Variants in KIRREL3 observed in about 807,000 individuals in gnomAD.
KIRREL3 encodes the protein kirre like nephrin family adhesion molecule 3.
Under a neutral mutation model 89.7 loss-of-function variants are expected in KIRREL3, and 36 were observed. That is an observed-to-expected ratio of 0.40 (90% CI 0.31 to 0.53). KIRREL3 has a LOEUF of 0.53. KIRREL3 is among the 20% of genes least tolerant of loss of function. KIRREL3 has a pLI of 0.49. For synonymous variants in KIRREL3, 445 were observed against 441.4 expected (o/e 1.01, Z -0.10); for missense variants, 864 against 1,056.6 (o/e 0.82, Z 2.53).
chr11:126,613,785 T>C (rs1943226121), intron 1 of KIRREL3, among the ~76,000 whole-genome samples: 1 of 151,928 alleles, frequency 6.6e-6, no homozygotes, highest in Admixed American at 6.6e-5. Flanking sequence ...CTCCATCACA[T>C]TGGGAACGAA....
At chr11:126,886,704 G>T (rs948661557) in intron 1 of KIRREL3, among the ~76,000 whole-genome samples, 12 of 152,200 alleles carry the variant, frequency 7.9e-5, no homozygotes, top group Non-Finnish European at 5.9e-5. Context: ...TCTGCAATCA[G>T]TTGACAGCTT....
chr11:126,875,815 T>C (rs796719187), intron 1 of KIRREL3, among the ~76,000 whole-genome samples: 5 of 152,350 alleles, frequency 3.3e-5, no homozygotes, highest in East Asian at 1.9e-4. Flanking sequence ...AAAGAGTTTG[T>C]ATCTACATAA....
At position 126,677,717 on chromosome 11, in the gene KIRREL3, A is replaced by G. The variant is rs1427797708; in HGVS notation, c.56-114805T>C. Among the ~76,000 whole-genome samples, 1 of 152,128 alleles carries G rather than the reference A, an allele frequency of 6.6e-6. No homozygotes were observed. Among genetic ancestry groups the G allele is most frequent in the Non-Finnish European group, 1.5e-5 (1 of 68,004 alleles). ...GAGTGGGTCCTCCCAGAATGAGTCC[A>G]GGGGAGCCCCCTGGACCAAAGCAGG... On this transcript the variant is annotated intron_variant, in intron 1 of 16. Transcript: ENST00000525144. The surrounding 1 kb of genome is among the most constrained non-coding windows in gnomAD (Gnocchi z 5.1).
At chr11:126,767,368 C>T (rs1949857243) in intron 1 of KIRREL3, among the ~76,000 whole-genome samples, 1 of 152,186 alleles carries the variant, frequency 6.6e-6, no homozygotes, top group Non-Finnish European at 1.5e-5. Context: ...GGGAGACCCC[C>T]ACCCTGAGCT....
At chr11:126,511,352 G>A (rs6590214) in intron 4 of KIRREL3, among the ~76,000 whole-genome samples, 49,027 of 151,172 alleles carry the variant, frequency 0.32, 8,296 homozygotes, top group Admixed American at 0.39. Context: ...GCTATACAAA[G>A]AGTGGACCCC....
Position 126,715,610 on chromosome 11 carries a change from T to C in KIRREL3, c.56-152698A>G, listed in dbSNP as rs1054227937. Among the ~76,000 whole-genome samples the C allele has an allele frequency of 6.6e-6, 1 of 152,008 alleles. No homozygotes were observed. The highest frequency in any genetic ancestry group is 1.5e-5 in the Non-Finnish European group (1 of 68,008). ...GGGAATATAGGAGAACGTGGACCAT[T>C]TTGCAAATCAAAAACAAGAGGAAAA... On this transcript the variant is annotated intron_variant, in intron 1 of 16. Coordinates refer to ENST00000525144, the MANE Select transcript of KIRREL3 (RefSeq NM_032531.4). The surrounding 1 kb of genome is among the most constrained non-coding windows in gnomAD (Gnocchi z 4.4).
rs199669188 is a variant in KIRREL3, at chr11:126,865,069, GC to G, written c.55+135385del. Among the ~76,000 whole-genome samples, 329 of 152,294 alleles carry G rather than the reference GC, an allele frequency of 2.2e-3. 11 individuals are homozygous for G. The East Asian group carries it at 0.055, about 26-fold the overall frequency. ...TAAGGCTCAGGGAATTATGTGACTTGCCTCCAGGAATCAAGGCGCCTCCAGC... is the reference window on the plus strand; with the variant it reads ...TAAGGCTCAGGGAATTATGTGACTTGCTCCAGGAATCAAGGCGCCTCCAGC... On this transcript the variant is annotated intron_variant, in intron 1 of 16. Transcript: ENST00000525144.
rs1167736036 is a variant in KIRREL3 at position 126,577,775 on chromosome 11, A to G, written c.56-14863T>C. Among the ~76,000 whole-genome samples, 17 of 151,926 alleles carry G rather than the reference A, an allele frequency of 1.1e-4. 1 individual carries two copies. Among genetic ancestry groups the G allele is most frequent in the Admixed American group, 1.1e-3 (17 of 15,248 alleles). ...AGACTCTGTCTCAATTAAAAAAAAA[A>G]AAGACACTAACCGTCCTTTCTCTGG... On this transcript the variant is annotated intron_variant, in intron 1 of 16. Coordinates refer to ENST00000525144, the MANE Select transcript of KIRREL3 (RefSeq NM_032531.4).
chr11:126,614,491 G>A lies in KIRREL3; in HGVS notation c.56-51579C>T, dbSNP rs1467427137. Among the ~76,000 whole-genome samples the A allele has an allele frequency of 6.6e-6, 1 of 152,126 alleles. No homozygotes were observed. The highest frequency in any genetic ancestry group is 1.5e-5 in the Non-Finnish European group (1 of 68,024). On this transcript the variant is annotated intron_variant, in intron 1 of 16. Transcript: ENST00000525144. This position sits in a 1 kb window ranked among gnomAD's most constrained non-coding sequence, Gnocchi z 4.6. ...GCTTTGAAAACTACAGTGATACTCA[G>A]GCCCTTAGATCAATTAAATCAGACT...
In KIRREL3 at chr11:126,498,675, A is replaced by G. The variant is rs1286961869; in HGVS notation, c.433+22640T>C. ...CTGTGACGACAAGCAGAGGAGACTC[A>G]GTGATGAGAGGAATGGTGTGTCCAT... On this transcript the variant is annotated intron_variant, in intron 4 of 16. Transcript: ENST00000525144. This position sits in a 1 kb window ranked among gnomAD's most constrained non-coding sequence, Gnocchi z 4.3. 6.6e-6 allele frequency among the ~76,000 whole-genome samples: 1 copy of G among 152,182 alleles called. No individual in the cohort carries two copies. Among genetic ancestry groups the G allele is most frequent in the African/African-American group, 2.4e-5 (1 of 41,452 alleles).
Position 126,954,085 on chromosome 11 carries a change from G to A in KIRREL3, c.55+46370C>T, listed in dbSNP as rs1395004161. On this transcript the variant is annotated intron_variant, in intron 1 of 16. Transcript: ENST00000525144. The surrounding 1 kb of genome is among the most constrained non-coding windows in gnomAD (Gnocchi z 4.1). ...GCGGGGTCTAATTCTCCCCAGGGTCGGTCTGTGAGCGCCTCTAATACCCTA... is the reference window on the plus strand; with the variant it reads ...GCGGGGTCTAATTCTCCCCAGGGTCAGTCTGTGAGCGCCTCTAATACCCTA... Among the ~76,000 whole-genome samples the A allele has an allele frequency of 1.3e-5, 2 of 151,834 alleles. No individual in the cohort carries two copies. Among genetic ancestry groups the A allele is most frequent in the East Asian group, 1.9e-4 (1 of 5,174 alleles).
rs68042539 is a variant in KIRREL3, at chr11:126,978,007, G to A, written c.55+22448C>T. On this transcript the variant is annotated intron_variant, in intron 1 of 16. Coordinates refer to ENST00000525144, the MANE Select transcript of KIRREL3 (RefSeq NM_032531.4). The surrounding 1 kb of genome is among the most constrained non-coding windows in gnomAD (Gnocchi z 4.2). ...CCCACTCTCCATTGAGTGGATTTCT[G>A]TAGTACGACTCTGCTGCCAGTCTAC... 0.2 allele frequency among the ~76,000 whole-genome samples: 30,014 copies of A among 152,060 alleles called. 3,434 individuals are homozygous for A. Among genetic ancestry groups the A allele is most frequent in the East Asian group, 0.54 (2,782 of 5,142 alleles).
chr11:126,592,845 C>G (rs1942208732), intron 1 of KIRREL3, among the ~76,000 whole-genome samples: 1 of 152,196 alleles, frequency 6.6e-6, no homozygotes. Flanking sequence ...GAGCAAGACA[C>G]TCTCAGCTCA....
intron 2 of KIRREL3, among the ~76,000 whole-genome samples, chr11:126,560,469 A>G (rs529896820): frequency 7.9e-5 from 12 of 152,296 alleles, no homozygotes; most frequent in Admixed American, 4.6e-4. Flanking sequence ...AACGGCACCA[A>G]TTGCAATTAC....
At position 126,574,080 on chromosome 11, in the gene KIRREL3, G is replaced by T. The variant is rs764882210; in HGVS notation, c.56-11168C>A. Among the ~76,000 whole-genome samples, 1 of 152,210 alleles carries T rather than the reference G, an allele frequency of 6.6e-6. No individual in the cohort carries two copies. Among genetic ancestry groups the T allele is most frequent in the East Asian group, 1.9e-4 (1 of 5,194 alleles). ...CTTCATTCTGAGGGACTAGAACATCGGTTGCGGAATGTGGAAACCAGGTTA... is the reference window on the plus strand; with the variant it reads ...CTTCATTCTGAGGGACTAGAACATCTGTTGCGGAATGTGGAAACCAGGTTA... On this transcript the variant is annotated intron_variant, in intron 1 of 16. Transcript: ENST00000525144. The surrounding 1 kb of genome is among the most constrained non-coding windows in gnomAD (Gnocchi z 5.3).
chr11:126,627,980 G>C lies in KIRREL3; in HGVS notation c.56-65068C>G, dbSNP rs1943864787. 6.6e-6 allele frequency among the ~76,000 whole-genome samples: 1 copy of C among 152,228 alleles called. No individual in the cohort carries two copies. Among genetic ancestry groups the C allele is most frequent in the Admixed American group, 6.5e-5 (1 of 15,290 alleles). ...GCTCGGTCTCCTGGTTTGAGAAACA[G>C]GAATGATCCCAGCTCTACCTATCCT... On this transcript the variant is annotated intron_variant, in intron 1 of 16. Transcript: ENST00000525144. This position sits in a 1 kb window ranked among gnomAD's most constrained non-coding sequence, Gnocchi z 5.0.
At chr11:126,439,261 G>C (rs1018361294) in intron 11 of KIRREL3, among the ~76,000 whole-genome samples, 2 of 151,960 alleles carry the variant, frequency 1.3e-5, no homozygotes, top group African/African-American at 4.8e-5. Flanking sequence ...AACCCAGGAA[G>C]TGGAGGTTGC....
At chr11:126,901,054 A>G (rs1946349459) in intron 1 of KIRREL3, among the ~76,000 whole-genome samples, 1 of 152,068 alleles carries the variant, frequency 6.6e-6, no homozygotes, top group African/African-American at 2.4e-5. Flanking sequence ...CCTCTACTAA[A>G]AATACAAAAA....
chr11:126,875,446 T>C (rs1444576349), intron 1 of KIRREL3, among the ~76,000 whole-genome samples: 1 of 152,244 alleles, frequency 6.6e-6, no homozygotes. Context: ...AGTGACTCTT[T>C]AAACTCTAAT....
Sources: gnomAD v4.1 joint callset for allele counts (sites outside exome capture counted in the v4.1 genomes callset) on GRCh38, gnomAD v4.1.1 for gene constraint, Gnocchi (gnomAD v3.1) non-coding constraint, MANE v1.5 for transcripts, NCBI Gene and HGNC (gene_info 2026-07-23, HGNC 2026-07-21) for gene names.